JAZF1: variants seen among roughly 807,000 people sequenced by gnomAD.
JAZF1 encodes JAZF zinc finger 1, also known as juxtaposed with another zinc finger protein 1.
A neutral mutation model predicts 26.4 loss-of-function variants in JAZF1; 8 were observed. The observed-to-expected ratio is 0.30, with a 90% CI of 0.18 to 0.55. The LOEUF (loss-of-function observed/expected upper bound fraction) is 0.55, where lower values mean the gene tolerates loss of function less well. JAZF1 is among the 20% of genes least tolerant of loss of function. The pLI is 0.94. For synonymous variants in JAZF1, 126 were observed against 122.3 expected, an observed-to-expected ratio of 1.03 and a Z score of -0.20; for missense variants, 199 against 322.0, an observed-to-expected ratio of 0.62 and a Z score of 2.92.
At chr7:28,007,190 T>C (rs902289158) in intron 1 of JAZF1, among the ~76,000 whole-genome samples, 1 of 152,198 alleles carries the variant, frequency 6.6e-6, no homozygotes, top group African/African-American at 2.4e-5. Flanking sequence ...CATAGAATTA[T>C]TTCTGGACCC....
intron 2 of JAZF1, among the ~76,000 whole-genome samples, chr7:27,991,022 T>A (rs1384533359): frequency 1.3e-5 from 2 of 152,174 alleles, no homozygotes; most frequent in Non-Finnish European, 2.9e-5. Flanking sequence ...CACAGCACTA[T>A]CTGGGCAAGA....
chr7:27,890,618 A>T (rs1783956387), intron 3 of JAZF1, among the ~76,000 whole-genome samples: 1 of 152,180 alleles, frequency 6.6e-6, no homozygotes, highest in Non-Finnish European at 1.5e-5. Flanking sequence ...TAACCTTAGT[A>T]AGCCTCTATT....
chr7:27,907,063 G>GA (rs1278897426), intron 2 of JAZF1, among the ~76,000 whole-genome samples: 1 of 130,304 alleles, frequency 7.7e-6, no homozygotes, highest in East Asian at 2.6e-4. Flanking sequence ...GTTGCACTAA[G>GA]GCTCTTAGAG....
chr7:27,967,657 G>C (rs1208975403), intron 2 of JAZF1, among the ~76,000 whole-genome samples: 7 of 152,092 alleles, frequency 4.6e-5, no homozygotes, highest in Non-Finnish European at 8.8e-5. Flanking sequence ...AAATACAAAA[G>C]CATCTTATTT....
At chr7:27,850,445 T>C (rs11763207) in intron 3 of JAZF1, among the ~76,000 whole-genome samples, 43,893 of 152,084 alleles carry the variant, frequency 0.29, 6,795 homozygotes, top group African/African-American at 0.4. Context: ...AATACTTCCA[T>C]AGGACTTTAC....
At chr7:28,012,498 G>C (rs1297200922) in intron 1 of JAZF1, among the ~76,000 whole-genome samples, 1 of 152,182 alleles carries the variant, frequency 6.6e-6, no homozygotes, top group East Asian at 1.9e-4. Context: ...TGAAATTCTT[G>C]GGATACAAAT....
chr7:27,910,455 G>T (rs1784343191), intron 2 of JAZF1, among the ~76,000 whole-genome samples: 1 of 152,190 alleles, frequency 6.6e-6, no homozygotes, highest in Non-Finnish European at 1.5e-5. Flanking sequence ...ACCTTCTGCT[G>T]ATTTACAAGG....
chr7:27,913,118 C>T (rs1784386599), intron 2 of JAZF1, among the ~76,000 whole-genome samples: 1 of 151,828 alleles, frequency 6.6e-6, no homozygotes, highest in Non-Finnish European at 1.5e-5. Flanking sequence ...AGTTAATTCA[C>T]CTCCTGAGGG....
At chr7:27,846,392 C>CATATACGTATACGTGTAT (rs141603370) in intron 3 of JAZF1, 118,944 of 418,392 alleles carry the variant, frequency 0.28, 18,607 homozygotes, top group Middle Eastern at 0.39. Flanking sequence ...CGTATATATA[C>CATATACGTATACGTGTAT]ATATACGTAT....
chr7:28,102,462 A>C (rs1337775433), intron 1 of JAZF1, among the ~76,000 whole-genome samples: 1 of 152,178 alleles, frequency 6.6e-6, no homozygotes, highest in Non-Finnish European at 1.5e-5. Flanking sequence ...TCCCTAGGTT[A>C]TTTCTTATCA....
chr7:28,004,286 T>A (rs1271786429), intron 1 of JAZF1, among the ~76,000 whole-genome samples: 1 of 152,128 alleles, frequency 6.6e-6, no homozygotes, highest in Non-Finnish European at 1.5e-5. Flanking sequence ...ACCTGACGCC[T>A]ATGATCCCAT....
chr7:27,879,017 A>G (rs1783725532), intron 3 of JAZF1, among the ~76,000 whole-genome samples: 1 of 152,242 alleles, frequency 6.6e-6, no homozygotes, highest in Non-Finnish European at 1.5e-5. Context: ...AACATGTTAC[A>G]GCAATGCTGC....
chr7:27,997,206 T>C (rs1242136355), intron 1 of JAZF1, among the ~76,000 whole-genome samples: 1 of 151,974 alleles, frequency 6.6e-6, no homozygotes, highest in Non-Finnish European at 1.5e-5. Context: ...AGGTGTCAGG[T>C]ATGGCAAAAG....
chr7:27,857,517 G>C (rs1021885228), intron 3 of JAZF1, among the ~76,000 whole-genome samples: 1 of 152,260 alleles, frequency 6.6e-6, no homozygotes, highest in African/African-American at 2.4e-5. Flanking sequence ...CAAGGCTGAG[G>C]AGGCGCCGAG....
intron 2 of JAZF1, among the ~76,000 whole-genome samples, chr7:27,907,624 C>T (rs1784285193): frequency 6.6e-6 from 1 of 152,136 alleles, no homozygotes; most frequent in African/African-American, 2.4e-5. Context: ...ACAAGGGACT[C>T]CCGGGGAATC....
At chr7:27,912,210 C>T (rs751172410) in intron 2 of JAZF1, among the ~76,000 whole-genome samples, 9 of 152,166 alleles carry the variant, frequency 5.9e-5, no homozygotes, top group Non-Finnish European at 7.3e-5. Context: ...CATTGGTACC[C>T]GCTGTGAAGG....
At chr7:28,094,221 C>A (rs1355678597) in intron 1 of JAZF1, among the ~76,000 whole-genome samples, 1 of 152,148 alleles carries the variant, frequency 6.6e-6, no homozygotes, top group Non-Finnish European at 1.5e-5. Context: ...TTTTTCGGAT[C>A]AAGAGAGGAT....
chr7:28,158,168 AACAC>A (rs759047365), intron 1 of JAZF1, among the ~76,000 whole-genome samples: 9 of 142,488 alleles, frequency 6.3e-5, no homozygotes, highest in Non-Finnish European at 7.6e-5. Context: ...CACACACACA[AACAC>A]ACACACACAC....
At chr7:28,145,159 G>C (rs1783007841) in intron 1 of JAZF1, among the ~76,000 whole-genome samples, 1 of 152,158 alleles carries the variant, frequency 6.6e-6, no homozygotes, top group Non-Finnish European at 1.5e-5. Context: ...AATAAACCTA[G>C]AGAGCTCCCA....
Sources: gnomAD v4.1 joint callset for allele counts (sites outside exome capture counted in the v4.1 genomes callset) on GRCh38, gnomAD v4.1.1 for gene constraint, MANE v1.5 for transcripts, NCBI Gene and HGNC (gene_info 2026-07-23, HGNC 2026-07-21) for gene names.